The following NBEAL2 variants were observed in gnomAD, a reference collection of about 807,000 sequenced individuals.
The protein encoded by NBEAL2 is neurobeachin like 2.
In NBEAL2, 160 loss-of-function variants were observed where a neutral mutation model predicts 299.8. The observed-to-expected ratio is 0.53, with a 90% confidence interval of 0.47 to 0.61. The LOEUF (loss-of-function observed/expected upper bound fraction) is 0.61. Ranked by LOEUF, NBEAL2 falls within the 20% of genes least tolerant of loss-of-function variation. NBEAL2 has a pLI of 0.00. For synonymous variants in NBEAL2, 1,493 were observed against 1,542.3 expected (o/e 0.97, Z 0.75); for missense variants, 3,112 against 3,649.0 (o/e 0.85, Z 3.79).
Position 46,989,362 on chromosome 3 carries a change from T to C in NBEAL2, c.454T>C (p.Trp152Arg). 6.3e-7 allele frequency: 1 copy of C among 1,581,150 alleles called. No homozygotes were observed. The highest frequency in any genetic ancestry group is 8.6e-7 in the Non-Finnish European group (1 of 1,163,796). The stretch of plus-strand genomic sequence containing the variant: ...GGGCCTCTTTGACCCTTACCAAACC[T>C]GGCGGCGCCAGCGCAGTGGGTGAGA... ...CEGLFDPYQT[W>R]RRQRSGEVIS... Residue 152 changes from tryptophan to arginine, a missense_variant, in exon 5 of 54, where the codon TGG becomes CGG. Physicochemically the swap from Trp to Arg is moderately radical, Grantham distance 101. This residue lies in a region of NBEAL2 where 2,243 missense variants were observed against 2,538.1 expected (regional missense o/e 0.88). Coordinates refer to ENST00000450053, the MANE Select transcript of NBEAL2 (RefSeq NM_015175.3). The surrounding 1 kb of genome is among the most constrained non-coding windows in gnomAD (Gnocchi z 5.5).
chr3:47,001,825 A>G lies in NBEAL2; in HGVS notation c.4781A>G (p.Gln1594Arg). Residue 1594 changes from glutamine to arginine, a missense_variant and splice_region_variant, in exon 30 of 54, where the codon CAG (glutamine) becomes CGG (arginine). Physicochemically the swap from Gln to Arg is conservative, Grantham distance 43 (BLOSUM62 1). Transcript: ENST00000450053. The surrounding 1 kb of genome is among the most constrained non-coding windows in gnomAD (Gnocchi z 6.1). ...VLGYILLEDPQLHAQAYVRLH... is the reference protein window; with the variant it reads ...VLGYILLEDPRLHAQAYVRLH... ...GGCTACATCCTGCTGGAAGACCCAC[A>G]GGTGAGCACAGGGTGAGCATGGGGG... 1 of 1,613,648 alleles carries G rather than the reference A, an allele frequency of 6.2e-7. No homozygotes were observed. The highest frequency in any genetic ancestry group is 8.5e-7 in the Non-Finnish European group (1 of 1,179,810).
In NBEAL2 at chr3:47,000,963, C is replaced by G. The variant is rs770772786; in HGVS notation, c.4306-38C>G. On this transcript the variant is annotated intron_variant, in intron 27 of 53. Coordinates refer to ENST00000450053, the MANE Select transcript of NBEAL2 (RefSeq NM_015175.3). This position sits in a 1 kb window ranked among gnomAD's most constrained non-coding sequence, Gnocchi z 4.5. ...CAGCCTGATTCCCTCCCTTAGCCGCCCACAACCCACGCCCACACCACCCAC... is the reference window on the plus strand; with the variant it reads ...CAGCCTGATTCCCTCCCTTAGCCGCGCACAACCCACGCCCACACCACCCAC... 1 of 1,560,774 alleles carries G rather than the reference C, an allele frequency of 6.4e-7. No individual in the cohort carries two copies. Among genetic ancestry groups the G allele is most frequent in the South Asian group, 1.2e-5 (1 of 84,758 alleles).
chr3:47,000,966 C>T lies in NBEAL2; in HGVS notation c.4306-35C>T. The T allele has an allele frequency of 6.4e-7, 1 of 1,562,708 alleles. No homozygotes were observed. Among genetic ancestry groups the T allele is most frequent in the Non-Finnish European group, 8.7e-7 (1 of 1,153,526 alleles). On this transcript the variant is annotated intron_variant, in intron 27 of 53. Coordinates refer to ENST00000450053, the MANE Select transcript of NBEAL2 (RefSeq NM_015175.3). The surrounding 1 kb of genome is among the most constrained non-coding windows in gnomAD (Gnocchi z 4.5). ...CCTGATTCCCTCCCTTAGCCGCCCA[C>T]AACCCACGCCCACACCACCCACCTG...
At chr3:46,987,593 C>T (rs1012930956) in intron 1 of NBEAL2, among the ~76,000 whole-genome samples, 4 of 152,150 alleles carry the variant, frequency 2.6e-5, no homozygotes, top group East Asian at 1.9e-4. Context: ...TGGCGGGCGG[C>T]GGGGCGGGAC....
chr3:47,005,376 G>T lies in NBEAL2; in HGVS notation c.6560+55G>T. 1.9e-6 allele frequency: 3 copies of T among 1,580,736 alleles called. No individual in the cohort carries two copies. In the East Asian group the frequency reaches 7.0e-5, roughly 37 times the overall value. The stretch of plus-strand genomic sequence containing the variant: ...GGGGGCAGATAAGGGGAGGAGGCTG[G>T]TCCTCCCCACATCCTGGGCCCACCC... On this transcript the variant is annotated intron_variant, in intron 40 of 53. Transcript: ENST00000450053.
Position 47,002,750 on chromosome 3 carries a change from T to TG in NBEAL2, c.5413dup (p.Ala1805GlyfsTer59), listed in dbSNP as rs794726683. 2.6e-6 allele frequency: 4 copies of TG among 1,534,750 alleles called. No homozygotes were observed. The highest frequency in any genetic ancestry group is 2.3e-5 in the South Asian group (2 of 87,018). ...GCAGCACTCCATGGCCCTGCTGCAC[T>TG]GGGGGGCGCTGTGGCGCCAGCTCGC... On this transcript the variant is annotated frameshift_variant, in exon 33 of 54. Coordinates refer to ENST00000450053, the MANE Select transcript of NBEAL2 (RefSeq NM_015175.3). LOFTEE classifies it high-confidence loss of function.
chr3:46,995,885 G>A (rs867796732), intron 14 of NBEAL2, 39 bp downstream of exon 14: 2 of 1,613,334 alleles, frequency 1.2e-6, no homozygotes, highest in African/African-American at 1.3e-5. Flanking sequence ...AGTAGAGAGA[G>A]GGGTGCTGAG....
In NBEAL2 at chr3:47,007,849, G is replaced by T; in HGVS notation, c.7541G>T (p.Gly2514Val). The change falls in exon 49 of 54, where the codon GGC (glycine) becomes GTC (valine). Residue 2514 changes from glycine to valine, a missense_variant. By Grantham distance (109) the Gly-to-Val change is moderately radical. Transcript: ENST00000450053. ...VVTCLALDTC[G>V]IYLISGSRDT... ...ACCTGCCTTGCACTGGACACCTGTG[G>T]CATCTACCTCATCTCAGGCTCCCGG... 1 of 1,613,644 alleles carries T rather than the reference G, an allele frequency of 6.2e-7. No homozygotes were observed. The highest frequency in any genetic ancestry group is 8.5e-7 in the Non-Finnish European group (1 of 1,179,806).
At chr3:46,999,757 G>T in intron 26 of NBEAL2, 42 bp downstream of exon 26, 3 of 1,598,450 alleles carry the variant, frequency 1.9e-6, no homozygotes, top group Non-Finnish European at 2.6e-6. Flanking sequence ...GGGGAGGGTG[G>T]CTTCTACCCT....
rs534263155 is a variant in NBEAL2 at position 46,986,457 on chromosome 3, G to C, written c.52-2212G>C. Reference sequence around the variant, plus strand: ...GAACCACAGAGGGGGAGAGGTGGAAGCTGGAGAAGCAGGTTCTGGTTGGAC... The same window carrying C: ...GAACCACAGAGGGGGAGAGGTGGAACCTGGAGAAGCAGGTTCTGGTTGGAC... On this transcript the variant is annotated intron_variant, in intron 1 of 53. Coordinates refer to ENST00000450053, the MANE Select transcript of NBEAL2 (RefSeq NM_015175.3). 2.6e-5 allele frequency among the ~76,000 whole-genome samples: 4 copies of C among 152,340 alleles called. No individual in the cohort carries two copies. In the South Asian group the frequency reaches 8.3e-4, roughly 32 times the overall value.
rs1346009399 is a variant in NBEAL2 at position 47,002,111 on chromosome 3, A to G, written c.4974A>G (p.Ala1658=). Residue 1658 remains alanine (A), a synonymous_variant, in exon 31 of 54, where the codon GCA becomes GCG. Transcript: ENST00000450053. ...PLAAAAAAAA[A]ERCSWLVPLV... is the part of the protein sequence containing the mutation. The stretch of plus-strand genomic sequence containing the variant: ...CAGCTGCAGCAGCTGCAGCAGCTGC[A>G]GAGCGCTGCTCCTGGCTGGTGCCAC... 3.9e-6 allele frequency: 6 copies of G among 1,550,986 alleles called. No individual in the cohort carries two copies. Among genetic ancestry groups the G allele is most frequent in the Admixed American group, 3.9e-5 (2 of 51,062 alleles).
Position 47,002,267 on chromosome 3 carries a change from G to A in NBEAL2, c.5130G>A (p.Trp1710Ter), listed in dbSNP as rs748267878. 1 of 1,564,592 alleles carries A rather than the reference G, an allele frequency of 6.4e-7. No individual in the cohort carries two copies. Among genetic ancestry groups the A allele is most frequent in the Non-Finnish European group, 8.7e-7 (1 of 1,153,406 alleles). The part of the protein sequence containing the change: ...DFQAFCATPE[W>*]RHFIDKQVQP... ...AGGCTTTTTGTGCCACACCCGAATGGCGCCACTTCATCGACAAACAGGTGC... is the reference window on the plus strand; with the variant it reads ...AGGCTTTTTGTGCCACACCCGAATGACGCCACTTCATCGACAAACAGGTGC... The change falls in exon 31 of 54, where the codon TGG becomes TGA. Residue 1710 changes from tryptophan to a stop codon, truncating the protein, a stop_gained. Coordinates refer to ENST00000450053, the MANE Select transcript of NBEAL2 (RefSeq NM_015175.3). LOFTEE classifies it high-confidence loss of function.
In NBEAL2 at chr3:47,008,639, G is replaced by T. The variant is rs780317274; in HGVS notation, c.7998G>T (p.Gln2666His). 2 of 1,613,444 alleles carry T rather than the reference G, an allele frequency of 1.2e-6. No homozygotes were observed. The highest frequency in any genetic ancestry group is 1.7e-6 in the Non-Finnish European group (2 of 1,179,890). Residue 2666 changes from glutamine (Q) to histidine (H), a missense_variant, in exon 52 of 54, where the codon CAG becomes CAT. Gln to His is a conservative substitution (Grantham distance 24, BLOSUM62 0). Around this residue, in one of 3 missense-constraint regions of NBEAL2, gnomAD observed 348 missense variants for 381.4 expected, o/e 0.91. Transcript: ENST00000450053. ...ACTTTGTGTTGCTGGGCACCGCCCAGTGCGCCCTGCACATCCTCCAACTAA... is the reference window on the plus strand; with the variant it reads ...ACTTTGTGTTGCTGGGCACCGCCCATTGCGCCCTGCACATCCTCCAACTAA... ...TEDFVLLGTA[Q>H]CALHILQLNT...
Position 46,988,783 on chromosome 3 carries a change from A to G in NBEAL2, c.140+26A>G. The G allele has an allele frequency of 6.2e-7, 1 of 1,609,610 alleles. No individual in the cohort carries two copies. On this transcript the variant is annotated intron_variant, in intron 2 of 53. Transcript: ENST00000450053. The surrounding 1 kb of genome is among the most constrained non-coding windows in gnomAD (Gnocchi z 4.4). The stretch of plus-strand genomic sequence containing the variant: ...GTGAGGCTGGATCTGCACTGAGGGC[A>G]GGGACAGAGCAGGGAGATTGAGGGG...
Position 47,004,189 on chromosome 3 carries a change from C to A in NBEAL2, c.5994C>A (p.Tyr1998Ter). 1.2e-6 allele frequency: 2 copies of A among 1,613,846 alleles called. No individual in the cohort carries two copies. The highest frequency in any genetic ancestry group is 1.7e-6 in the Non-Finnish European group (2 of 1,179,830). The change falls in exon 37 of 54, where the codon TAC (tyrosine) becomes TAA (stop). Residue 1998 changes from tyrosine (Y) to a stop codon, truncating the protein, a stop_gained. Coordinates refer to ENST00000450053, the MANE Select transcript of NBEAL2 (RefSeq NM_015175.3). LOFTEE classifies it high-confidence loss of function. The surrounding 1 kb of genome is among the most constrained non-coding windows in gnomAD (Gnocchi z 5.0). Reference protein sequence around the residue: ...LELFFIDQANYFLNFPCKVGT... With the variant: ...LELFFIDQAN ...TCTTCTTTATCGATCAGGCCAACTA[C>A]TTCCTCAACTTCCCATGCAAGGTGG... is the stretch of plus-strand genomic sequence containing the variant.
In NBEAL2 at chr3:47,001,154, C is replaced by T. The variant is rs763635071; in HGVS notation, c.4459C>T (p.Arg1487Cys). ...GCTGGGGGCCTCAGCCACACTTGTG[C>T]GCCCACCAGACTGCATCAAGCGCAG... ...TQLGASATLVRPPDCIKRSLL... is the reference protein window; with the variant it reads ...TQLGASATLVCPPDCIKRSLL... The change falls in exon 28 of 54, where the codon CGC becomes TGC. Residue 1487 changes from arginine to cysteine, a missense_variant. Transcript: ENST00000450053. This position sits in a 1 kb window ranked among gnomAD's most constrained non-coding sequence, Gnocchi z 6.1. 8 of 1,612,354 alleles carry T rather than the reference C, an allele frequency of 5.0e-6. No individual in the cohort carries two copies. The highest frequency in any genetic ancestry group is 1.7e-5 in the Admixed American group (1 of 59,906).
chr3:46,997,445 TG>T lies in NBEAL2; in HGVS notation c.2824+14del. On this transcript the variant is annotated intron_variant, in intron 19 of 53. Coordinates refer to ENST00000450053, the MANE Select transcript of NBEAL2 (RefSeq NM_015175.3). ...GGGTAAATCTTCAGGTAAGTGTTCC[TG>T]GTGCCTATGTTGTGGAGAGGGAATC... 1.2e-6 allele frequency: 2 copies of T among 1,606,720 alleles called. No individual in the cohort carries two copies. The highest frequency in any genetic ancestry group is 1.7e-6 in the Non-Finnish European group (2 of 1,174,966).
In NBEAL2 at chr3:47,006,064, G is replaced by A. The variant is rs368486621; in HGVS notation, c.6919+1G>A. On this transcript the variant is annotated splice_donor_variant, in intron 43 of 53. Transcript: ENST00000450053. LOFTEE classifies it high-confidence loss of function. ...GTCTTCTATTACTGCACCTATGAGG[G>A]TGGGCAGTGCGCTGGACTCCAGTCA... is the stretch of plus-strand genomic sequence containing the variant. 1 of 1,613,420 alleles carries A rather than the reference G, an allele frequency of 6.2e-7. No homozygotes were observed. Among genetic ancestry groups the A allele is most frequent in the Non-Finnish European group, 8.5e-7 (1 of 1,179,690 alleles).
Position 47,009,301 on chromosome 3 carries a change from A to G in NBEAL2, c.8246A>G (p.Asn2749Ser). The G allele has an allele frequency of 2.5e-6, 4 of 1,599,340 alleles. No homozygotes were observed. Among genetic ancestry groups the G allele is most frequent in the Non-Finnish European group, 2.6e-6 (3 of 1,174,302 alleles). ...GTGTCCTCGGGAGAGACGGAATACA[A>G]CCCTACTGAGGCGCGCTGAACCTGG... is the stretch of plus-strand genomic sequence containing the variant. ...SQVSSGETEYNPTEAR is the reference protein window; with the variant it reads ...SQVSSGETEYSPTEAR Residue 2749 changes from asparagine (N) to serine (S), a missense_variant, in exon 54 of 54, where the codon AAC becomes AGC. Coordinates refer to ENST00000450053, the MANE Select transcript of NBEAL2 (RefSeq NM_015175.3).
Sources: gnomAD v4.1 joint callset for allele counts (sites outside exome capture counted in the v4.1 genomes callset) on GRCh38, gnomAD v4.1.1 for gene constraint, gnomAD v4.1.1 regional missense constraint, Gnocchi (gnomAD v3.1) non-coding constraint, MANE v1.5 for transcripts, NCBI Gene and HGNC (gene_info 2026-07-23, HGNC 2026-07-21) for gene names.